FAT1: variants seen among roughly 807,000 people sequenced by gnomAD.
The protein encoded by FAT1 is FAT atypical cadherin 1, also known as protocadherin Fat 1.
FAT1 carries 171 observed loss-of-function variants against 329.8 expected under a neutral mutation model. The observed-to-expected ratio is 0.52, with a 90% CI of 0.46 to 0.59. FAT1 has a LOEUF of 0.59. Ranked by LOEUF, FAT1 falls within the 20% of genes least tolerant of loss-of-function variation. FAT1 has a pLI of 0.00. For missense variants in FAT1, 5,672 were observed against 5,774.4 expected, an observed-to-expected ratio of 0.98 and a Z score of 0.57; for synonymous variants, 2,233 against 2,228.6, an observed-to-expected ratio of 1.00 and a Z score of -0.06.
At chr4:186,635,657 T>C (rs781128367) in intron 6 of FAT1, among the ~76,000 whole-genome samples, 1 of 152,078 alleles carries the variant, frequency 6.6e-6, no homozygotes, top group Admixed American at 6.5e-5. Flanking sequence ...CAATGTGCCA[T>C]AGGTTATGCA....
intron 2 of FAT1, among the ~76,000 whole-genome samples, chr4:186,695,516 G>A (rs921435675): frequency 2.0e-5 from 3 of 152,218 alleles, no homozygotes; most frequent in Admixed American, 2.0e-4. Context: ...ATTTAAAAGG[G>A]CTTTCTCAAC....
chr4:186,664,988 G>C (rs149825328), intron 2 of FAT1, among the ~76,000 whole-genome samples: 1 of 152,034 alleles, frequency 6.6e-6, no homozygotes, highest in African/African-American at 2.4e-5. Context: ...TAACTTATTC[G>C]AGGTTAATAT....
chr4:186,590,769 A>C (rs763914731), intron 26 of FAT1: 2 of 423,916 alleles, frequency 4.7e-6, no homozygotes, highest in Non-Finnish European at 9.4e-6. Context: ...AACTGATCAG[A>C]TTACATAGGT....
chr4:186,702,192 GTCC>G (rs1341039279), intron 2 of FAT1, among the ~76,000 whole-genome samples: 4 of 152,232 alleles, frequency 2.6e-5, no homozygotes, highest in African/African-American at 4.8e-5. Flanking sequence ...TAAGAAAAAT[GTCC>G]TCATTTCCCT....
rs573293048 is a variant in FAT1 at position 186,617,830 on chromosome 4, G to T, written c.8756C>A (p.Thr2919Lys). 1.2e-6 allele frequency: 2 copies of T among 1,613,992 alleles called. No homozygotes were observed. Among genetic ancestry groups the T allele is most frequent in the Admixed American group, 3.3e-5 (2 of 60,032 alleles). Residue 2919 changes from threonine (T) to lysine (K), a missense_variant, in exon 10 of 27, where the codon ACG (threonine) becomes AAG (lysine). This residue lies in a region of FAT1 where 3,966 missense variants were observed against 3,915.2 expected (regional missense o/e 1.01). Coordinates refer to ENST00000441802, the MANE Select transcript of FAT1 (RefSeq NM_005245.4). ...TDVNDSPPRF[T>K]AEIYKGTVSE... is the part of the protein sequence containing the mutation. Reference sequence around the variant, plus strand: ...CACAGTCCCTTTATAGATCTCGGCCGTGAATCGTGGTGGACTATCGTTGAC... The same window carrying T: ...CACAGTCCCTTTATAGATCTCGGCCTTGAATCGTGGTGGACTATCGTTGAC...
chr4:186,678,275 TG>T (rs1448887653), intron 2 of FAT1, among the ~76,000 whole-genome samples: 1 of 151,870 alleles, frequency 6.6e-6, no homozygotes, highest in African/African-American at 2.4e-5. Flanking sequence ...AGTAGCAGGG[TG>T]GTTACTAAAA....
At chr4:186,642,004 C>CA (rs11426763) in intron 3 of FAT1, among the ~76,000 whole-genome samples, 42,999 of 133,842 alleles carry the variant, frequency 0.32, 6,491 homozygotes, top group Non-Finnish European at 0.35. Flanking sequence ...AAAACTCTGT[C>CA]AAAAAAAAAA....
At chr4:186,691,517 C>T (rs549358623) in intron 2 of FAT1, among the ~76,000 whole-genome samples, 14 of 152,244 alleles carry the variant, frequency 9.2e-5, no homozygotes, top group African/African-American at 2.4e-4. Context: ...CTGAGCCAGG[C>T]GTGACAGGCA....
chr4:186,636,492 A>C, intron 5 of FAT1, 93 bp downstream of exon 5: 1 of 1,348,436 alleles, frequency 7.4e-7, no homozygotes, highest in Admixed American at 2.3e-5. Flanking sequence ...TCAGCCGTTT[A>C]CAAAATAGAA....
At chr4:186,634,033 A>C (rs1358044072) in intron 6 of FAT1, among the ~76,000 whole-genome samples, 1 of 152,204 alleles carries the variant, frequency 6.6e-6, no homozygotes, top group Non-Finnish European at 1.5e-5. Context: ...GGAAGCAACT[A>C]ACTGAAAGAA....
At chr4:186,639,540 G>A (rs968490432) in intron 4 of FAT1, among the ~76,000 whole-genome samples, 182 bp downstream of exon 4, 2 of 152,100 alleles carry the variant, frequency 1.3e-5, no homozygotes, top group East Asian at 3.9e-4. Flanking sequence ...AGGGATAAAG[G>A]GGACAAGAGC....
chr4:186,611,682 G>A lies in FAT1; in HGVS notation c.9557C>T (p.Pro3186Leu), dbSNP rs2126469549. The part of the protein sequence containing the change: ...ELSGIIQLEK[P>L]LDRELQAVYT... Reference sequence around the variant, plus strand: ...TACTGCCTGGAGTTCTCTGTCCAAAGGTTTTTCTAACTGAATAATTCCAGA... The same window carrying A: ...TACTGCCTGGAGTTCTCTGTCCAAAAGTTTTTCTAACTGAATAATTCCAGA... The change falls in exon 14 of 27, where the codon CCT becomes CTT. Residue 3186 changes from proline to leucine, a missense_variant. Pro to Leu is a moderately conservative substitution (Grantham distance 98). This residue lies in a region of FAT1 where 1,706 missense variants were observed against 1,859.1 expected (regional missense o/e 0.92). Transcript: ENST00000441802. 1 of 1,608,840 alleles carries A rather than the reference G, an allele frequency of 6.2e-7. No individual in the cohort carries two copies. Among genetic ancestry groups the A allele is most frequent in the Non-Finnish European group, 8.5e-7 (1 of 1,177,288 alleles).
intron 2 of FAT1, among the ~76,000 whole-genome samples, chr4:186,704,015 C>G (rs1744457588): frequency 6.6e-6 from 1 of 152,358 alleles, no homozygotes; most frequent in African/African-American, 2.4e-5. Context: ...AAAAATGTAT[C>G]TTGTAATGAA....
chr4:186,724,474 C>T (rs775191395), upstream of FAT1, among the ~76,000 whole-genome samples: 4 of 152,176 alleles, frequency 2.6e-5, no homozygotes, highest in Non-Finnish European at 4.4e-5. This position sits in a 1 kb window ranked among gnomAD's most constrained non-coding sequence, Gnocchi z 5.3. Context: ...CCTGGCCTCC[C>T]CCGCTGACAC....
chr4:186,659,726 A>T (rs571584376), intron 3 of FAT1, among the ~76,000 whole-genome samples: 143 of 150,762 alleles, frequency 9.5e-4, no homozygotes, highest in African/African-American at 3.4e-3. Flanking sequence ...CTCTACACAC[A>T]CAAGCCGGCT....
chr4:186,723,967 G>C (rs544243427), upstream of FAT1: 1 of 151,022 alleles, frequency 6.6e-6, no homozygotes, highest in Non-Finnish European at 1.5e-5. Flanking sequence ...CTGGGACCGC[G>C]GGCTCGGCCA....
chr4:186,622,317 CCTT>C (rs772843855), intron 9 of FAT1, among the ~76,000 whole-genome samples: 2 of 152,308 alleles, frequency 1.3e-5, no homozygotes, highest in Non-Finnish European at 2.9e-5. Flanking sequence ...AACAACATTC[CCTT>C]CTTATCTTTT....
intron 3 of FAT1, 80 bp from the exon 4 acceptor site, chr4:186,639,863 C>G (rs1741014119): frequency 1.6e-6 from 2 of 1,212,612 alleles, no homozygotes; most frequent in African/African-American, 1.5e-5. Flanking sequence ...ACACTCTTGG[C>G]CAGGTGCGGT....
At chr4:186,703,362 T>A (rs1744418580) in intron 2 of FAT1, among the ~76,000 whole-genome samples, 1 of 152,216 alleles carries the variant, frequency 6.6e-6, no homozygotes, top group Non-Finnish European at 1.5e-5. Context: ...ATGTTTCCAA[T>A]TTAAGCAGAT....
Sources: allele counts gnomAD v4.1 joint callset (sites outside exome capture counted in the v4.1 genomes callset), GRCh38; gene constraint gnomAD v4.1.1; regional missense constraint gnomAD v4.1.1; non-coding constraint Gnocchi (gnomAD v3.1); transcripts MANE v1.5; gene names NCBI Gene and HGNC (gene_info 2026-07-23, HGNC 2026-07-21).